TAOK3: variants seen among roughly 807,000 people sequenced by gnomAD.
The protein encoded by TAOK3 is TAO kinase 3.
TAOK3 carries 40 observed loss-of-function variants against 120.4 expected under a neutral mutation model. The observed-to-expected ratio is 0.33, with a 90% CI of 0.26 to 0.43. The LOEUF (loss-of-function observed/expected upper bound fraction) is 0.43, where lower values mean the gene tolerates loss of function less well. TAOK3 is among the 20% of genes least tolerant of loss of function. The pLI is 1.00. For synonymous variants in TAOK3, 355 were observed against 387.5 expected, an observed-to-expected ratio of 0.92 and a Z score of 0.99; for missense variants, 821 against 1,112.1, an observed-to-expected ratio of 0.74 and a Z score of 3.72.
intron 1 of TAOK3, among the ~76,000 whole-genome samples, chr12:118,349,367 A>C (rs2045032881): frequency 6.6e-6 from 1 of 152,238 alleles, no homozygotes; most frequent in South Asian, 2.1e-4. Flanking sequence ...CAAAATATCC[A>C]TCAACTCTTG....
intron 11 of TAOK3, 136 bp downstream of exon 11, chr12:118,212,778 C>A (rs1433447838): frequency 1.8e-6 from 1 of 564,286 alleles, no homozygotes; most frequent in African/African-American, 1.9e-5. Flanking sequence ...TGCCTAGCTA[C>A]TTATCTCAGG....
At chr12:118,181,735 T>C (rs1179219730) in intron 14 of TAOK3, 128 bp from the exon 15 acceptor site, 2 of 764,152 alleles carry the variant, frequency 2.6e-6, no homozygotes, top group East Asian at 4.9e-5. Flanking sequence ...TACTGTTTAG[T>C]GAATGCTCAC....
At chr12:118,361,512 C>G (rs151273687) in intron 1 of TAOK3, among the ~76,000 whole-genome samples, 118 of 150,728 alleles carry the variant, frequency 7.8e-4, no homozygotes, top group African/African-American at 2.7e-3. Flanking sequence ...GGCTGGAGTG[C>G]AGTGGCACGA....
chr12:118,320,651 A>C (rs945682757), intron 1 of TAOK3, among the ~76,000 whole-genome samples: 1 of 152,188 alleles, frequency 6.6e-6, no homozygotes, highest in African/African-American at 2.4e-5. Flanking sequence ...TTTATTATTA[A>C]AGAAACAAAA....
At chr12:118,157,285 A>G (rs1008884413) in intron 19 of TAOK3, among the ~76,000 whole-genome samples, 5 of 152,150 alleles carry the variant, frequency 3.3e-5, no homozygotes, top group African/African-American at 1.2e-4. Context: ...CCATGTCACC[A>G]GAGTGATGGT....
At chr12:118,179,383 T>A (rs2036549463) in intron 15 of TAOK3, among the ~76,000 whole-genome samples, 1 of 152,188 alleles carries the variant, frequency 6.6e-6, no homozygotes, top group African/African-American at 2.4e-5. Flanking sequence ...CAGGCAGATC[T>A]GCTTAATTTT....
intron 2 of TAOK3, among the ~76,000 whole-genome samples, chr12:118,257,595 T>C (rs1046983563): frequency 1.3e-5 from 2 of 151,896 alleles, no homozygotes; most frequent in African/African-American, 2.4e-5. Flanking sequence ...ATAACCAAGA[T>C]AGAAATTTGG....
intron 9 of TAOK3, among the ~76,000 whole-genome samples, chr12:118,224,868 G>C (rs1233270030): frequency 2.0e-5 from 3 of 152,012 alleles, no homozygotes; most frequent in African/African-American, 7.3e-5. Context: ...TAAAGAAAGG[G>C]GATAACAAGC....
intron 13 of TAOK3, among the ~76,000 whole-genome samples, chr12:118,191,597 T>G (rs1452380629): frequency 6.6e-6 from 1 of 152,214 alleles, no homozygotes; most frequent in African/African-American, 2.4e-5. Flanking sequence ...TTTTTAAAAC[T>G]TATAAGAAAA....
intron 3 of TAOK3, among the ~76,000 whole-genome samples, chr12:118,253,755 CAA>C (rs11299995): frequency 0.68 from 99,460 of 145,992 alleles, 33,877 homozygotes; most frequent in South Asian, 0.71. Context: ...AACAAACAAA[CAA>C]AAAAAAAAAA....
chr12:118,227,871 T>C (rs1002097056), intron 9 of TAOK3, among the ~76,000 whole-genome samples: 1 of 152,196 alleles, frequency 6.6e-6, no homozygotes, highest in Non-Finnish European at 1.5e-5. Context: ...CTCTATGCTA[T>C]GCACAGAGTA....
chr12:118,207,600 A>C (rs2038392859), intron 11 of TAOK3, among the ~76,000 whole-genome samples: 1 of 152,262 alleles, frequency 6.6e-6, no homozygotes, highest in Non-Finnish European at 1.5e-5. Context: ...CATGCCTGTA[A>C]TCCCAGCACT....
At chr12:118,368,965 C>T (rs186374095) in intron 1 of TAOK3, among the ~76,000 whole-genome samples, 149 of 147,630 alleles carry the variant, frequency 1.0e-3, no homozygotes, top group African/African-American at 3.7e-3. Flanking sequence ...TTGAGACCAG[C>T]CTGGGCAATG....
At chr12:118,167,648 T>C (rs2035687875) in intron 17 of TAOK3, among the ~76,000 whole-genome samples, 1 of 151,520 alleles carries the variant, frequency 6.6e-6, no homozygotes, top group South Asian at 2.1e-4. Flanking sequence ...CTTCCATTTT[T>C]CCTGCTTCTC....
intron 1 of TAOK3, among the ~76,000 whole-genome samples, chr12:118,338,786 C>CA (rs71069438): frequency 0.039 from 1,956 of 49,770 alleles, 207 homozygotes; most frequent in Admixed American, 0.054. Flanking sequence ...GACTCCGTCT[C>CA]AAAAAAAAAA....
chr12:118,249,717 A>G (rs2040666831), intron 3 of TAOK3, among the ~76,000 whole-genome samples: 1 of 152,098 alleles, frequency 6.6e-6, no homozygotes, highest in Non-Finnish European at 1.5e-5. Context: ...AGTCGTAGCT[A>G]CCTACTCAGG....
At chr12:118,171,478 T>A (rs1031972584) in intron 17 of TAOK3, among the ~76,000 whole-genome samples, 2 of 152,202 alleles carry the variant, frequency 1.3e-5, no homozygotes, top group Admixed American at 1.3e-4. Context: ...TGCCTCAGTC[T>A]CCTGAGTAGC....
At chr12:118,325,074 A>G (rs143382981) in intron 1 of TAOK3, among the ~76,000 whole-genome samples, 2 of 152,292 alleles carry the variant, frequency 1.3e-5, no homozygotes, top group African/African-American at 2.4e-5. Context: ...TTATGGCTCA[A>G]TAATAATCCA....
At chr12:118,289,314 A>AG (rs1459455698) in intron 1 of TAOK3, among the ~76,000 whole-genome samples, 2 of 151,366 alleles carry the variant, frequency 1.3e-5, no homozygotes, top group Admixed American at 1.3e-4. Flanking sequence ...AAAAAAAAAA[A>AG]AAAGAAAACA....
Sources: allele counts gnomAD v4.1 joint callset (sites outside exome capture counted in the v4.1 genomes callset), GRCh38; gene constraint gnomAD v4.1.1; transcripts MANE v1.5; gene names NCBI Gene and HGNC (gene_info 2026-07-23, HGNC 2026-07-21).